PODXL: variants seen among roughly 807,000 people sequenced by gnomAD.
The protein encoded by PODXL is podocalyxin.
PODXL carries 20 observed loss-of-function variants against 48.9 expected under a neutral mutation model. The observed-to-expected ratio is 0.41, with a 90% CI of 0.29 to 0.59. The LOEUF (loss-of-function observed/expected upper bound fraction) is 0.59, where lower values mean the gene tolerates loss of function less well. PODXL is among the 20% of genes least tolerant of loss of function. PODXL has a pLI of 0.31. For missense variants in PODXL, 606 were observed against 675.1 expected (o/e 0.90, Z 1.13); for synonymous variants, 295 against 287.4 (o/e 1.03, Z -0.27).
At chr7:131,505,338 A>T (rs964596008) in intron 8 of PODXL, among the ~76,000 whole-genome samples, 1 of 152,190 alleles carries the variant, frequency 6.6e-6, no homozygotes, top group Non-Finnish European at 1.5e-5. Flanking sequence ...GGTCAGGGCC[A>T]GGACTAACCA....
intron 7 of PODXL, 92 bp downstream of exon 7, chr7:131,506,168 C>T (rs931407203): frequency 1.2e-4 from 193 of 1,545,528 alleles, no homozygotes; most frequent in Non-Finnish European, 1.6e-4. Context: ...AGGCACATGA[C>T]GGGGTTCCTC....
chr7:131,516,191 C>T (rs1797992737), intron 1 of PODXL, among the ~76,000 whole-genome samples: 1 of 152,154 alleles, frequency 6.6e-6, no homozygotes, highest in Admixed American at 6.5e-5. Flanking sequence ...TCAATGGAAA[C>T]CTACATTAAA....
Position 131,506,449 on chromosome 7 carries a change from G to A in PODXL, c.1250-128C>T, listed in dbSNP as rs564759491. The stretch of plus-strand genomic sequence containing the variant: ...GAGTGTCTCTCGGGTGACCTGGGAG[G>A]GGGTGTGGCTTGACAGTTCTTAGGG... On this transcript the variant is annotated intron_variant, in intron 6 of 8. Transcript: ENST00000378555. 14 of 1,426,616 alleles carry A rather than the reference G, an allele frequency of 9.8e-6. No individual in the cohort carries two copies. In the East Asian group the frequency reaches 2.7e-4, roughly 28 times the overall value. The allele number at this position is 1,426,616 out of a possible 1,614,324, so 88.4% of individuals were successfully genotyped here.
intron 1 of PODXL, chr7:131,520,325 G>T: frequency 1.9e-6 from 1 of 529,854 alleles, no homozygotes; most frequent in South Asian, 1.5e-5. Context: ...TGTGCGCATT[G>T]ATACCAGGCT....
intron 1 of PODXL, among the ~76,000 whole-genome samples, chr7:131,526,687 TC>T (rs1412610291): frequency 6.8e-6 from 1 of 146,762 alleles, no homozygotes; most frequent in African/African-American, 2.5e-5. Flanking sequence ...TGTGGCATTA[TC>T]AAAGAAAGTT....
At chr7:131,543,335 A>T (rs1247045924) in intron 1 of PODXL, among the ~76,000 whole-genome samples, 1 of 152,044 alleles carries the variant, frequency 6.6e-6, no homozygotes, top group Admixed American at 6.6e-5. Context: ...TATGTTGCCC[A>T]GGCTGGTCTT....
intron 1 of PODXL, among the ~76,000 whole-genome samples, chr7:131,514,562 T>C (rs1445879958): frequency 1.3e-5 from 2 of 152,064 alleles, no homozygotes; most frequent in African/African-American, 4.8e-5. Context: ...TAAGGGACTA[T>C]ATCAGCATAT....
Position 131,536,466 on chromosome 7 carries a change from C to T in PODXL, c.100+19794G>A, listed in dbSNP as rs1020173431. ...CTGGCACCTGCACAGAACCCAGTCC[C>T]AACAAACACCTGATAAGTGTGTTCC... On this transcript the variant is annotated intron_variant, in intron 1 of 8. Coordinates refer to ENST00000378555, the MANE Select transcript of PODXL (RefSeq NM_001018111.3). Among the ~76,000 whole-genome samples, 6 of 152,280 alleles carry T rather than the reference C, an allele frequency of 3.9e-5. No homozygotes were observed. The East Asian group carries it at 9.7e-4, about 25-fold the overall frequency.
intron 1 of PODXL, chr7:131,520,395 G>A: frequency 2.6e-6 from 1 of 388,578 alleles, no homozygotes; most frequent in Admixed American, 3.1e-5. Context: ...CTGTGCGGTT[G>A]TCCAGGAAAC....
chr7:131,533,755 G>A (rs1164749736), intron 1 of PODXL, among the ~76,000 whole-genome samples: 1 of 152,126 alleles, frequency 6.6e-6, no homozygotes, highest in Non-Finnish European at 1.5e-5. Context: ...GTGCCCCTCT[G>A]TAACTCCCCA....
chr7:131,515,387 T>A (rs183847733), intron 1 of PODXL, among the ~76,000 whole-genome samples: 1 of 152,072 alleles, frequency 6.6e-6, no homozygotes, highest in African/African-American at 2.4e-5. Context: ...AGGTCTCTTA[T>A]GTGAAAATAG....
chr7:131,546,574 A>G (rs1402702903), intron 1 of PODXL, among the ~76,000 whole-genome samples: 1 of 151,898 alleles, frequency 6.6e-6, no homozygotes, highest in Admixed American at 6.6e-5. Context: ...AAAAATCCCA[A>G]AATCAGCTGG....
intron 1 of PODXL, among the ~76,000 whole-genome samples, chr7:131,526,739 C>CTTTTTTTTTTTTTTT (rs57935236): frequency 1.5e-4 from 14 of 90,518 alleles, no homozygotes; most frequent in African/African-American, 4.9e-4. Context: ...CTTCCTTACT[C>CTTTTTTTTTTTTTTT]TTTTTTTTTT....
In PODXL at chr7:131,542,555, G is replaced by A. The variant is rs569609416; in HGVS notation, c.100+13705C>T. Among the ~76,000 whole-genome samples, 4 of 152,278 alleles carry A rather than the reference G, an allele frequency of 2.6e-5. No homozygotes were observed. The South Asian group carries it at 8.3e-4, about 32-fold the overall frequency. ...GCCTGTGGTCCCAGCTACACAGGAA[G>A]CTGAGGCAGGAGGATCGCTTCAGCC... On this transcript the variant is annotated intron_variant, in intron 1 of 8. Transcript: ENST00000378555.
chr7:131,525,426 C>CAAAAAAAAAAAAAAAA (rs57927217), intron 1 of PODXL, among the ~76,000 whole-genome samples: 1 of 59,248 alleles, frequency 1.7e-5, no homozygotes, highest in Non-Finnish European at 2.9e-5. Context: ...TCATCTCTAC[C>CAAAAAAAAAAAAAAAA]AAAAAAAAAA....
rs937121303 is a variant in PODXL, at chr7:131,504,183, G to A, written c.*128C>T. Reference sequence around the variant, plus strand: ...AAAAGGGAAAAATTAAGGCCCTGGGGGGATTGGGAGGGGACACCCCTCGGA... The same window carrying A: ...AAAAGGGAAAAATTAAGGCCCTGGGAGGATTGGGAGGGGACACCCCTCGGA... On this transcript the variant is annotated 3_prime_UTR_variant, in exon 9 of 9. Transcript: ENST00000378555. 2.9e-6 allele frequency: 2 copies of A among 701,454 alleles called. No homozygotes were observed. Among genetic ancestry groups the A allele is most frequent in the Non-Finnish European group, 4.9e-6 (2 of 412,230 alleles). 43.5% of individuals were successfully genotyped at this position (701,454 alleles called of 1,614,324 possible).
chr7:131,524,301 A>G (rs937780315), intron 1 of PODXL, among the ~76,000 whole-genome samples: 4 of 150,856 alleles, frequency 2.7e-5, no homozygotes, highest in African/African-American at 9.8e-5. Context: ...CTCTCTTTCC[A>G]CTCCTATTGA....
At chr7:131,538,286 C>T (rs919417951) in intron 1 of PODXL, among the ~76,000 whole-genome samples, 7 of 152,220 alleles carry the variant, frequency 4.6e-5, no homozygotes, top group African/African-American at 1.7e-4. Context: ...AGCTTCCCAT[C>T]CCCAAGGCCT....
intron 1 of PODXL, among the ~76,000 whole-genome samples, chr7:131,538,481 G>A (rs1175624375): frequency 1.3e-5 from 2 of 152,152 alleles, no homozygotes; most frequent in African/African-American, 4.8e-5. Context: ...GCATCCTCCA[G>A]GTGGAGGTCA....
Sources: gnomAD v4.1 joint callset for allele counts (sites outside exome capture counted in the v4.1 genomes callset) on GRCh38, gnomAD v4.1.1 for gene constraint, MANE v1.5 for transcripts, NCBI Gene and HGNC (gene_info 2026-07-23, HGNC 2026-07-21) for gene names.